The following COL5A2 variants were observed in gnomAD, a reference collection of about 807,000 sequenced individuals.
The protein encoded by COL5A2 is collagen alpha-2(V) chain.
COL5A2 carries 23 observed loss-of-function variants against 208.2 expected under a neutral mutation model. The observed-to-expected ratio is 0.11, with a 90% CI of 0.08 to 0.16. COL5A2 has a LOEUF of 0.16. Among genes scored for constraint, COL5A2 ranks in the 10% least tolerant of loss-of-function variants. The probability of loss-of-function intolerance (pLI) is 1.00; values close to 1 mark genes in which losing one functional copy is unlikely to be tolerated. For synonymous variants in COL5A2, 625 were observed against 628.5 expected (o/e 0.99, Z 0.08); for missense variants, 1,590 against 1,956.4 (o/e 0.81, Z 3.53).
chr2:189,337,193 T>C, the COL5A2 span, among the ~76,000 whole-genome samples: 1 of 151,346 alleles, frequency 6.6e-6, no homozygotes, highest in Non-Finnish European at 1.5e-5. Flanking sequence ...TTTTCTTTTT[T>C]TTTTTTTGAG....
intron 1 of COL5A2, among the ~76,000 whole-genome samples, chr2:189,214,372 T>C (rs982248180): frequency 1.3e-5 from 2 of 152,108 alleles, no homozygotes; most frequent in Admixed American, 6.6e-5. Context: ...GCCTAATTAA[T>C]GACATGGAAA....
At chr2:189,352,471 C>CT in the COL5A2 span, among the ~76,000 whole-genome samples, 1 of 141,064 alleles carries the variant, frequency 7.1e-6, no homozygotes, top group Admixed American at 7.3e-5. Context: ...CTGTTGTTTC[C>CT]TTTTTAATGA....
At chr2:189,408,982 T>C in the COL5A2 span, among the ~76,000 whole-genome samples, 1 of 152,166 alleles carries the variant, frequency 6.6e-6, no homozygotes, top group African/African-American at 2.4e-5. Flanking sequence ...GTCATTTACC[T>C]GAAAAATGCA....
At chr2:189,156,554 T>G (rs1395075952) in intron 1 of COL5A2, among the ~76,000 whole-genome samples, 1 of 152,202 alleles carries the variant, frequency 6.6e-6, no homozygotes, top group Non-Finnish European at 1.5e-5. Flanking sequence ...AAATTAATTT[T>G]AAAAGAGTCT....
chr2:189,246,127 C>T, the COL5A2 span, among the ~76,000 whole-genome samples: 1 of 152,108 alleles, frequency 6.6e-6, no homozygotes, highest in Non-Finnish European at 1.5e-5. Context: ...TTTCAACCTT[C>T]CTAGAAAAAA....
the COL5A2 span, among the ~76,000 whole-genome samples, chr2:189,271,238 C>T: frequency 4.6e-5 from 7 of 152,198 alleles, no homozygotes; most frequent in East Asian, 1.9e-4. Flanking sequence ...GGAGCCATCA[C>T]GCTACCTGAC....
At chr2:189,036,890 A>G (rs1182791096) in intron 51 of COL5A2, 87 bp from the exon 52 acceptor site, 2 of 1,046,122 alleles carry the variant, frequency 1.9e-6, no homozygotes, top group Non-Finnish European at 2.9e-6. Flanking sequence ...AGGGTTTGAA[A>G]ATATACACTC....
At chr2:189,151,727 C>A (rs1688146245) in intron 1 of COL5A2, among the ~76,000 whole-genome samples, 2 of 152,116 alleles carry the variant, frequency 1.3e-5, no homozygotes, top group African/African-American at 4.8e-5. Flanking sequence ...TAATTTTACT[C>A]TCTATAATTA....
the COL5A2 span, among the ~76,000 whole-genome samples, chr2:189,325,535 C>G: frequency 3.9e-5 from 6 of 151,906 alleles, no homozygotes; most frequent in African/African-American, 1.5e-4. Flanking sequence ...GGGAGAGACA[C>G]AGAGACATTC....
intron 1 of COL5A2, among the ~76,000 whole-genome samples, chr2:189,118,300 GAA>G (rs1423392496): frequency 6.6e-6 from 1 of 151,710 alleles, no homozygotes; most frequent in Non-Finnish European, 1.5e-5. Flanking sequence ...TATTTTAAGA[GAA>G]TATTCATTAT....
intron 1 of COL5A2, among the ~76,000 whole-genome samples, chr2:189,144,854 A>G (rs1442565508): frequency 6.6e-6 from 1 of 152,116 alleles, no homozygotes; most frequent in Non-Finnish European, 1.5e-5. Flanking sequence ...GATGCTTCAT[A>G]TCTTTTAGAA....
At chr2:189,231,414 GC>G in the COL5A2 span, among the ~76,000 whole-genome samples, 1 of 151,596 alleles carries the variant, frequency 6.6e-6, no homozygotes, top group African/African-American at 2.4e-5. Flanking sequence ...AGAAAGGTAA[GC>G]CCCTTCTGAA....
chr2:189,200,452 C>T (rs1354126572), intron 1 of COL5A2, among the ~76,000 whole-genome samples: 1 of 148,924 alleles, frequency 6.7e-6, no homozygotes, highest in African/African-American at 2.5e-5. Flanking sequence ...TTTTCCTTAA[C>T]CCAGCAGAAA....
intron 1 of COL5A2, among the ~76,000 whole-genome samples, chr2:189,206,346 T>C (rs185830823): frequency 1.3e-5 from 2 of 152,308 alleles, no homozygotes; most frequent in African/African-American, 4.8e-5. Context: ...TGTCTTTATC[T>C]GTTATGACAC....
At chr2:189,330,272 C>G in the COL5A2 span, among the ~76,000 whole-genome samples, 6 of 152,214 alleles carry the variant, frequency 3.9e-5, no homozygotes, top group Middle Eastern at 0.02. Flanking sequence ...CTCTGAGCCA[C>G]GCTGGGCCAT....
chr2:189,135,673 T>C (rs1013058160), intron 1 of COL5A2, among the ~76,000 whole-genome samples: 1 of 152,188 alleles, frequency 6.6e-6, no homozygotes, highest in African/African-American at 2.4e-5. Context: ...AAAGAACACA[T>C]ATTTTATAAG....
chr2:189,414,753 C>CAAAAAAAA, the COL5A2 span, among the ~76,000 whole-genome samples: 2 of 70,306 alleles, frequency 2.8e-5, no homozygotes, highest in African/African-American at 5.6e-5. Context: ...GACTCTGTCT[C>CAAAAAAAA]AAAAAAAAAA....
chr2:189,369,816 T>C, the COL5A2 span, among the ~76,000 whole-genome samples: 1,393 of 152,292 alleles, frequency 9.1e-3, 36 homozygotes, highest in South Asian at 0.061. Context: ...TTGGTTGGTT[T>C]GTGTTAGTTT....
intron 1 of COL5A2, among the ~76,000 whole-genome samples, chr2:189,135,840 T>A (rs1193563476): frequency 6.6e-6 from 1 of 152,230 alleles, no homozygotes; most frequent in African/African-American, 2.4e-5. Flanking sequence ...TGATCTCACT[T>A]AATCCTCAAT....
Sources: gnomAD v4.1 joint callset for allele counts (sites outside exome capture counted in the v4.1 genomes callset) on GRCh38, gnomAD v4.1.1 for gene constraint, MANE v1.5 for transcripts, NCBI Gene and HGNC (gene_info 2026-07-23, HGNC 2026-07-21) for gene names.